TLL2: variants seen among roughly 807,000 people sequenced by gnomAD.
TLL2 encodes tolloid-like protein 2.
Under a neutral mutation model 123.0 loss-of-function variants are expected in TLL2, and 106 were observed. That is an observed-to-expected ratio of 0.86 (90% confidence interval 0.74 to 1.01). The LOEUF (loss-of-function observed/expected upper bound fraction) is 1.01. Among genes scored for constraint, TLL2 ranks in the 50% least tolerant of loss-of-function variants. TLL2 has a pLI of 0.00. For missense variants in TLL2, 1,332 were observed against 1,336.7 expected, an observed-to-expected ratio of 1.00 and a Z score of 0.06; for synonymous variants, 494 against 516.8, an observed-to-expected ratio of 0.96 and a Z score of 0.60.
At chr10:96,416,156 C>T (rs1283072139) in intron 7 of TLL2, among the ~76,000 whole-genome samples, 2 of 152,188 alleles carry the variant, frequency 1.3e-5, no homozygotes, top group African/African-American at 4.8e-5. Flanking sequence ...ACTCCAAAAA[C>T]AGGCACTTCT....
rs926039420 is a variant in TLL2, at chr10:96,402,981, T to C, written c.1267+2251A>G. 2.6e-5 allele frequency among the ~76,000 whole-genome samples: 4 copies of C among 152,212 alleles called. No homozygotes were observed. In the East Asian group the frequency reaches 5.8e-4, roughly 22 times the overall value. On this transcript the variant is annotated intron_variant, in intron 10 of 20. Transcript: ENST00000357947. ...ACTCTCAGGCTCGTCAGTTGCAGCA[T>C]AACAAGTTGGGCTTTCTGCTCACAT...
At position 96,413,232 on chromosome 10, in the gene TLL2, C is replaced by T; in HGVS notation, c.1008G>A (p.Gln336=). ...GCTTCCGGGCTTGAGCTATGTCTCC[C>T]TGACTGAGCCGCACGCGCTGGCCAA... ...PTIGQRVRLS[Q]GDIAQARKLY... is the part of the protein sequence containing the mutation. Residue 336 remains glutamine, a synonymous_variant, in exon 8 of 21, where the codon CAG becomes CAA. Transcript: ENST00000357947. The T allele has an allele frequency of 1.2e-6, 2 of 1,614,184 alleles. No homozygotes were observed. Among genetic ancestry groups the T allele is most frequent in the Middle Eastern group, 1.6e-4 (1 of 6,062 alleles).
At chr10:96,459,117 A>G in intron 2 of TLL2, among the ~76,000 whole-genome samples, 1 of 152,206 alleles carries the variant, frequency 6.6e-6, no homozygotes, top group Admixed American at 6.5e-5. Flanking sequence ...TCCTCAATGG[A>G]AGGGGTAAAT....
In TLL2 at chr10:96,489,105, C is replaced by T. The variant is rs74874737; in HGVS notation, c.176-8646G>A. Among the ~76,000 whole-genome samples the T allele has an allele frequency of 2.4e-3, 373 of 152,322 alleles. 1 individual carries two copies. The highest frequency in any genetic ancestry group is 2.3e-3 in the Non-Finnish European group (158 of 68,032). On this transcript the variant is annotated intron_variant, in intron 1 of 20. Coordinates refer to ENST00000357947, the MANE Select transcript of TLL2 (RefSeq NM_012465.4). ...ATGGGCATGAGTGCATAGGGCAACC[C>T]TCATGGCACACATTTGCCATCCTTG...
intron 10 of TLL2, among the ~76,000 whole-genome samples, chr10:96,402,075 T>C (rs763975802): frequency 6.6e-6 from 1 of 152,208 alleles, no homozygotes. Context: ...TAAGTGACTG[T>C]AATGTCTCTG....
chr10:96,370,986 A>G (rs1233833865), intron 19 of TLL2, among the ~76,000 whole-genome samples: 1 of 152,200 alleles, frequency 6.6e-6, no homozygotes, highest in Non-Finnish European at 1.5e-5. Context: ...CTGGTCCCAT[A>G]TATAGTACCT....
At chr10:96,486,158 C>T (rs1847354159) in intron 1 of TLL2, among the ~76,000 whole-genome samples, 1 of 152,096 alleles carries the variant, frequency 6.6e-6, no homozygotes, top group South Asian at 2.1e-4. Flanking sequence ...ACTTATTTTG[C>T]TCATGAAAAG....
chr10:96,400,842 A>G (rs558804514), intron 10 of TLL2, among the ~76,000 whole-genome samples: 1 of 152,356 alleles, frequency 6.6e-6, no homozygotes, highest in Admixed American at 6.5e-5. Flanking sequence ...TCACTGGATG[A>G]GCTCTCTCTG....
At chr10:96,369,342 T>C (rs1305923285) in intron 20 of TLL2, among the ~76,000 whole-genome samples, 3 of 152,192 alleles carry the variant, frequency 2.0e-5, no homozygotes, top group East Asian at 1.9e-4. Flanking sequence ...AGCACAACTA[T>C]TGTGTGTATA....
Position 96,386,999 on chromosome 10 carries a change from G to T in TLL2, c.1806C>A (p.Ala602=). 3 of 1,614,120 alleles carry T rather than the reference G, an allele frequency of 1.9e-6. No individual in the cohort carries two copies. The highest frequency in any genetic ancestry group is 2.5e-6 in the Non-Finnish European group (3 of 1,180,034). The change falls in exon 14 of 21, where the codon GCC becomes GCA. Residue 602 remains alanine, a synonymous_variant. Transcript: ENST00000357947. ...CVNTLGSYKC[A]CDPGYELAAD... The stretch of plus-strand genomic sequence containing the variant: ...CGGCCAGCTCGTAGCCAGGGTCACA[G>T]GCACACTTGTAGCTGCCCAGCGTGT...
intron 10 of TLL2, among the ~76,000 whole-genome samples, chr10:96,403,433 A>G (rs967293932): frequency 6.6e-6 from 1 of 152,180 alleles, no homozygotes; most frequent in Non-Finnish European, 1.5e-5. Flanking sequence ...CTTTGACCCA[A>G]CCTGGAGCTC....
intron 2 of TLL2, among the ~76,000 whole-genome samples, chr10:96,474,331 C>A (rs1444869608): frequency 6.6e-6 from 1 of 152,100 alleles, no homozygotes; most frequent in Admixed American, 6.6e-5. Context: ...CAAAATGTGG[C>A]CAATTTTAAT....
chr10:96,388,354 T>C (rs946445725), intron 13 of TLL2, among the ~76,000 whole-genome samples: 1 of 152,034 alleles, frequency 6.6e-6, no homozygotes, highest in Non-Finnish European at 1.5e-5. Context: ...TGAGCTGAGA[T>C]TGCGCCACTG....
chr10:96,412,591 G>T (rs901567613), intron 8 of TLL2, among the ~76,000 whole-genome samples: 4 of 152,116 alleles, frequency 2.6e-5, no homozygotes, highest in Non-Finnish European at 5.9e-5. Flanking sequence ...CAGGGAACAG[G>T]CATTTGCTCC....
At chr10:96,370,365 C>T (rs1466856771) in intron 19 of TLL2, 50 bp from the exon 20 acceptor site, 4 of 1,501,092 alleles carry the variant, frequency 2.7e-6, no homozygotes, top group Non-Finnish European at 3.6e-6. Flanking sequence ...CACCCTCGTG[C>T]CTCCCGCCTG....
chr10:96,384,848 T>G, intron 15 of TLL2, 81 bp from the exon 16 acceptor site: 3 of 1,379,642 alleles, frequency 2.2e-6, no homozygotes, highest in Non-Finnish European at 2.9e-6. Flanking sequence ...ACCTGCTTCC[T>G]GAGCGCCTCA....
intron 18 of TLL2, among the ~76,000 whole-genome samples, chr10:96,376,348 C>A (rs929601564): frequency 6.6e-6 from 1 of 152,202 alleles, no homozygotes; most frequent in Non-Finnish European, 1.5e-5. Flanking sequence ...TGATTCATCT[C>A]ATTTTTAATC....
chr10:96,383,304 A>T (rs1846202197), intron 16 of TLL2, among the ~76,000 whole-genome samples: 1 of 152,146 alleles, frequency 6.6e-6, no homozygotes, highest in Non-Finnish European at 1.5e-5. Context: ...ATTCCTGTTC[A>T]TGTGTGATAT....
intron 1 of TLL2, among the ~76,000 whole-genome samples, chr10:96,483,280 G>T (rs999996553): frequency 6.6e-6 from 1 of 152,192 alleles, no homozygotes; most frequent in Non-Finnish European, 1.5e-5. Flanking sequence ...GGAAGGGCAG[G>T]ACCTCCCAGA....
Sources: allele counts gnomAD v4.1 joint callset (sites outside exome capture counted in the v4.1 genomes callset), GRCh38; gene constraint gnomAD v4.1.1; transcripts MANE v1.5; gene names NCBI Gene and HGNC (gene_info 2026-07-23, HGNC 2026-07-21).